Variants in SCARA3 observed in about 807,000 individuals in gnomAD.
SCARA3 encodes cellular stress response gene protein.
SCARA3 carries 39 observed loss-of-function variants against 47.0 expected under a neutral mutation model. The observed-to-expected ratio is 0.83, with a 90% CI of 0.64 to 1.08. The LOEUF (loss-of-function observed/expected upper bound fraction) is 1.08, where lower values mean the gene tolerates loss of function less well. SCARA3 is among the 50% of genes least tolerant of loss of function. The pLI is 0.00. For missense variants in SCARA3, 724 were observed against 792.3 expected (o/e 0.91, Z 1.04); for synonymous variants, 356 against 334.1 (o/e 1.07, Z -0.71).
chr8:27,717,771 C>T, the SCARA3 span, among the ~76,000 whole-genome samples: 5 of 152,016 alleles, frequency 3.3e-5, no homozygotes, highest in Non-Finnish European at 7.4e-5. Flanking sequence ...GGAGACAGAG[C>T]GAGACTCCAT....
the SCARA3 span, chr8:27,702,331 C>A: frequency 6.6e-6 from 1 of 152,294 alleles, no homozygotes; most frequent in Non-Finnish European, 1.5e-5. Context: ...TGAAGTCATC[C>A]GACCCCAAGT....
At chr8:27,642,897 G>T (rs1585273257) in intron 1 of SCARA3, among the ~76,000 whole-genome samples, 1 of 152,192 alleles carries the variant, frequency 6.6e-6, no homozygotes, top group Non-Finnish European at 1.5e-5. Flanking sequence ...AATTCATGGG[G>T]TTCAGGGGAG....
chr8:27,689,393 C>G, the SCARA3 span, among the ~76,000 whole-genome samples: 4 of 152,118 alleles, frequency 2.6e-5, no homozygotes, highest in African/African-American at 9.7e-5. Flanking sequence ...GGAAGGGAAA[C>G]GGGAGCGGCT....
chr8:27,658,752 C>A lies in SCARA3; in HGVS notation c.582C>A (p.Gly194=). 6.2e-7 allele frequency: 1 copy of A among 1,614,098 alleles called. No individual in the cohort carries two copies. ...SLGLFLAQVR[G]WQATTAGLDL... is the part of the protein sequence containing the mutation. ...GGCTCTTCCTGGCCCAGGTGAGAGG[C>A]TGGCAGGCCACCACAGCTGGCCTGG... The change falls in exon 5 of 6, where the codon GGC becomes GGA. Residue 194 remains glycine (G), a synonymous_variant. Transcript: ENST00000301904.
intron 5 of SCARA3, among the ~76,000 whole-genome samples, chr8:27,670,077 C>T (rs371079295): frequency 6.6e-6 from 1 of 152,228 alleles, no homozygotes; most frequent in East Asian, 1.9e-4. Flanking sequence ...AAGGAAGGGC[C>T]GTATCTTCAT....
chr8:27,698,693 C>T, the SCARA3 span, among the ~76,000 whole-genome samples: 3 of 151,968 alleles, frequency 2.0e-5, no homozygotes, highest in Admixed American at 6.6e-5. Context: ...TATACAAAAA[C>T]CCATTGCATC....
intron 3 of SCARA3, 60 bp downstream of exon 3, chr8:27,651,687 C>T (rs1801637368): frequency 6.3e-6 from 10 of 1,593,000 alleles, no homozygotes; most frequent in Non-Finnish European, 8.5e-6. Flanking sequence ...GGATCCAGCA[C>T]CAAAAGTTCC....
chr8:27,642,974 T>C (rs906612736), intron 1 of SCARA3, among the ~76,000 whole-genome samples: 1 of 151,884 alleles, frequency 6.6e-6, no homozygotes, highest in Non-Finnish European at 1.5e-5. Context: ...GTCTGTTGCA[T>C]TGAGTGAGTA....
At chr8:27,665,975 A>G (rs2128922674) in intron 5 of SCARA3, among the ~76,000 whole-genome samples, 1 of 152,362 alleles carries the variant, frequency 6.6e-6, no homozygotes, top group Middle Eastern at 3.4e-3. Context: ...TGGGCAAGAT[A>G]CAAAGGGATT....
chr8:27,672,025 C>T lies in SCARA3; in HGVS notation c.*674C>T. ...AGGGCTCCCTGGGGTTGAAAAGCCC[C>T]AAGGAAACCTTTGCGGGTGGGGCGT... On this transcript the variant is annotated 3_prime_UTR_variant, in exon 6 of 6. Transcript: ENST00000301904. 1 of 985,322 alleles carries T rather than the reference C, an allele frequency of 1.0e-6. No homozygotes were observed. The highest frequency in any genetic ancestry group is 1.2e-6 in the Non-Finnish European group (1 of 829,898). 61.0% of individuals were successfully genotyped at this position (985,322 alleles called of 1,614,324 possible).
Position 27,657,952 on chromosome 8 carries a change from C to T in SCARA3, c.326-544C>T, listed in dbSNP as rs183388111. 8.7e-4 allele frequency among the ~76,000 whole-genome samples: 133 copies of T among 152,098 alleles called. 1 individual carries two copies. The highest frequency in any genetic ancestry group is 2.8e-3 in the African/African-American group (118 of 41,464). ...GCCACAATTCTTGATGTTCTTTATC[C>T]CCTGCTTTAACCTGGAACAATCTAA... On this transcript the variant is annotated intron_variant, in intron 4 of 5. Transcript: ENST00000301904.
chr8:27,679,934 T>C (rs1237898148), downstream of SCARA3: 1 of 152,168 alleles, frequency 6.6e-6, no homozygotes, highest in East Asian at 1.9e-4. Context: ...TTCCTTTTTT[T>C]TAATCCACAC....
intron 5 of SCARA3, among the ~76,000 whole-genome samples, chr8:27,670,072 A>G (rs1265897161): frequency 4.6e-5 from 7 of 152,176 alleles, no homozygotes; most frequent in Admixed American, 3.3e-4. Flanking sequence ...TCCTTAAGGA[A>G]GGGCCGTATC....
chr8:27,721,139 G>T, the SCARA3 span, among the ~76,000 whole-genome samples: 1 of 151,622 alleles, frequency 6.6e-6, no homozygotes, highest in Non-Finnish European at 1.5e-5. Flanking sequence ...CATGAGTAAG[G>T]CCATTTTAAG....
At chr8:27,715,372 T>G in the SCARA3 span, among the ~76,000 whole-genome samples, 1 of 152,184 alleles carries the variant, frequency 6.6e-6, no homozygotes, top group East Asian at 1.9e-4. The surrounding 1 kb of genome is among the most constrained non-coding windows in gnomAD (Gnocchi z 4.2). Flanking sequence ...TGCTGCCACT[T>G]CCCATCCTAT....
chr8:27,656,925 G>A (rs2128920157), intron 4 of SCARA3, 45 bp downstream of exon 4: 1 of 1,303,334 alleles, frequency 7.7e-7, no homozygotes, highest in East Asian at 2.3e-5. Flanking sequence ...TCTTCAGGGT[G>A]GGGCAGGGGT....
chr8:27,671,003 C>T lies in SCARA3; in HGVS notation c.1473C>T (p.Pro491=). 1.9e-6 allele frequency: 3 copies of T among 1,610,192 alleles called. No homozygotes were observed. Among genetic ancestry groups the T allele is most frequent in the Non-Finnish European group, 2.5e-6 (3 of 1,179,054 alleles). The part of the protein sequence containing the change: ...GPKGDPGSLG[P]LGPQGPQGQP... ...AAGGAGACCCCGGCAGCTTGGGCCC[C>T]CTGGGACCCCAGGGTCCTCAGGGGC... Residue 491 remains proline, a synonymous_variant, in exon 6 of 6, where the codon CCC becomes CCT. Coordinates refer to ENST00000301904, the MANE Select transcript of SCARA3 (RefSeq NM_016240.3).
downstream of SCARA3, among the ~76,000 whole-genome samples, chr8:27,678,145 G>T (rs1802305939): frequency 6.6e-6 from 1 of 151,984 alleles, no homozygotes; most frequent in African/African-American, 2.4e-5. Flanking sequence ...TTTAATACAA[G>T]AAGGGCAAAT....
downstream of SCARA3, chr8:27,676,445 C>T (rs1281776677): frequency 5.9e-6 from 6 of 1,021,828 alleles, no homozygotes; most frequent in Non-Finnish European, 7.2e-6. Context: ...AGCCAGGCCC[C>T]CGACTTCCCT....
Sources: gnomAD v4.1 joint callset for allele counts (sites outside exome capture counted in the v4.1 genomes callset) on GRCh38, gnomAD v4.1.1 for gene constraint, Gnocchi (gnomAD v3.1) non-coding constraint, MANE v1.5 for transcripts, NCBI Gene and HGNC (gene_info 2026-07-23, HGNC 2026-07-21) for gene names.